Variants in MAST4 observed in about 807,000 individuals in gnomAD.
MAST4 encodes the protein microtubule associated serine/threonine kinase family member 4.
Under a neutral mutation model 162.7 loss-of-function variants are expected in MAST4, and 89 were observed. The ratio of observed to expected loss-of-function variants is 0.55; its 90% CI spans 0.46 to 0.65. MAST4 has a LOEUF of 0.65. MAST4 is among the 30% of genes least tolerant of loss of function. The pLI is 0.00. For missense variants in MAST4, 3,153 were observed against 3,374.0 expected (o/e 0.93, Z 1.62); for synonymous variants, 1,479 against 1,361.1 (o/e 1.09, Z -1.91).
intron 4 of MAST4, among the ~76,000 whole-genome samples, chr5:66,948,829 G>A (rs1683509916): frequency 6.6e-6 from 1 of 152,076 alleles, no homozygotes; most frequent in African/African-American, 2.4e-5. Context: ...GCTTTGTCAA[G>A]TATTTATTGA....
At chr5:66,659,146 G>A (rs1746740612) in intron 1 of MAST4, among the ~76,000 whole-genome samples, 2 of 152,288 alleles carry the variant, frequency 1.3e-5, no homozygotes, top group South Asian at 4.1e-4. Context: ...TTCCTGAGTG[G>A]GAAGGGGTGG....
chr5:66,896,735 C>T (rs961297239), intron 3 of MAST4, among the ~76,000 whole-genome samples: 2 of 152,168 alleles, frequency 1.3e-5, no homozygotes, highest in Non-Finnish European at 2.9e-5. Flanking sequence ...ACAGTTTTCT[C>T]CCCTGTCTTC....
At chr5:66,655,213 G>A (rs1195825422) in intron 1 of MAST4, among the ~76,000 whole-genome samples, 2 of 152,248 alleles carry the variant, frequency 1.3e-5, no homozygotes, top group African/African-American at 4.8e-5. Flanking sequence ...GGGTGTTGAT[G>A]CTTTCATGTT....
chr5:66,975,092 G>A lies in MAST4; in HGVS notation c.674+75110G>A, dbSNP rs145739952. ...ATAGTTCCTAAATTCAATCATAAGT[G>A]CCCTTGTGAGAGAGGCCAAGGGGGA... On this transcript the variant is annotated intron_variant, in intron 4 of 28. Transcript: ENST00000403625. 5.3e-5 allele frequency among the ~76,000 whole-genome samples: 8 copies of A among 152,248 alleles called. No individual in the cohort carries two copies. In the East Asian group the frequency reaches 1.5e-3, roughly 29 times the overall value.
intron 6 of MAST4, among the ~76,000 whole-genome samples, chr5:67,091,409 C>G (rs1763855884): frequency 6.6e-6 from 1 of 152,154 alleles, no homozygotes; most frequent in Non-Finnish European, 1.5e-5. Context: ...CTCCAGGGAA[C>G]TTATTGAGAC....
chr5:66,819,610 G>C (rs1756893702), intron 3 of MAST4, among the ~76,000 whole-genome samples: 1 of 152,058 alleles, frequency 6.6e-6, no homozygotes, highest in African/African-American at 2.4e-5. Context: ...GTATGTCTTT[G>C]GTCAATCATA....
At chr5:67,118,642 A>G (rs755168621) in intron 12 of MAST4, 40 bp from the exon 13 acceptor site, 13 of 1,251,874 alleles carry the variant, frequency 1.0e-5, no homozygotes, top group East Asian at 2.5e-5. Context: ...TCCAATTGCA[A>G]TATTTTTATT....
chr5:66,911,950 C>T (rs1004195166), intron 4 of MAST4, among the ~76,000 whole-genome samples: 1 of 152,142 alleles, frequency 6.6e-6, no homozygotes, highest in Non-Finnish European at 1.5e-5. Context: ...GTAACTTTAG[C>T]GTCGAGTGCC....
At chr5:67,093,124 A>T (rs1764048534) in intron 6 of MAST4, among the ~76,000 whole-genome samples, 2 of 152,148 alleles carry the variant, frequency 1.3e-5, no homozygotes, top group Non-Finnish European at 2.9e-5. Flanking sequence ...GTTGTATACC[A>T]TATTAATCTA....
intron 3 of MAST4, among the ~76,000 whole-genome samples, chr5:66,814,566 C>G (rs1756632311): frequency 6.6e-6 from 1 of 152,180 alleles, no homozygotes; most frequent in Non-Finnish European, 1.5e-5. Context: ...TCTCCAGAGA[C>G]AAGGTGAAAT....
intron 4 of MAST4, among the ~76,000 whole-genome samples, chr5:67,030,537 A>G (rs1334819826): frequency 6.6e-6 from 1 of 152,208 alleles, no homozygotes; most frequent in African/African-American, 2.4e-5. Context: ...GTACATCACC[A>G]TTCCAGAGCA....
rs183538762 is a variant in MAST4, at chr5:66,754,545, T to G, written c.364-5164T>G. 7.2e-5 allele frequency among the ~76,000 whole-genome samples: 11 copies of G among 152,290 alleles called. No individual in the cohort carries two copies. The East Asian group carries it at 2.1e-3, about 29-fold the overall frequency. Reference sequence around the variant, plus strand: ...AGCCCTTTATGGCATGTGTTTTCTATTTTTTTCCTGTTATATTTTAAAGTA... The same window carrying G: ...AGCCCTTTATGGCATGTGTTTTCTAGTTTTTTCCTGTTATATTTTAAAGTA... On this transcript the variant is annotated intron_variant, in intron 1 of 28. Transcript: ENST00000403625.
intron 3 of MAST4, among the ~76,000 whole-genome samples, chr5:66,867,417 A>G (rs1760611290): frequency 6.6e-6 from 1 of 152,226 alleles, no homozygotes; most frequent in South Asian, 2.1e-4. Flanking sequence ...AAGCTATCAG[A>G]TCTGTAATGT....
chr5:66,699,057 T>C (rs916484115), intron 1 of MAST4, among the ~76,000 whole-genome samples: 1 of 152,206 alleles, frequency 6.6e-6, no homozygotes, highest in African/African-American at 2.4e-5. Context: ...TCAGTACAAC[T>C]AGGATACTAG....
chr5:66,850,334 A>C (rs927126517), intron 3 of MAST4, among the ~76,000 whole-genome samples: 1 of 152,206 alleles, frequency 6.6e-6, no homozygotes, highest in African/African-American at 2.4e-5. Context: ...AAAATAGTGA[A>C]TGTCAAAATC....
intron 4 of MAST4, among the ~76,000 whole-genome samples, chr5:67,011,657 G>C (rs896225830): frequency 5.9e-5 from 9 of 152,198 alleles, no homozygotes; most frequent in African/African-American, 2.2e-4. Context: ...GGCTCCTGTT[G>C]AGAGCCTGGC....
At chr5:67,136,811 A>G in intron 19 of MAST4, 147 bp downstream of exon 19, 1 of 599,372 alleles carries the variant, frequency 1.7e-6, no homozygotes, top group East Asian at 2.9e-5. Context: ...TTATAGCAAT[A>G]ATATTTTGGA....
rs183674697 is a variant in MAST4 at position 67,073,436 on chromosome 5, C to G, written c.764-16726C>G. ...TGGAAAAGTGGGTGGTGGCATCAGC[C>G]CTGCAGAGGCAGGACTCGGCTCACG... On this transcript the variant is annotated intron_variant, in intron 5 of 28. Transcript: ENST00000403625. Among the ~76,000 whole-genome samples the G allele has an allele frequency of 6.6e-5, 10 of 152,262 alleles. No homozygotes were observed. The East Asian group carries it at 1.9e-3, about 29-fold the overall frequency.
In MAST4 at chr5:67,072,577, T is replaced by C. The variant is rs140550475; in HGVS notation, c.764-17585T>C. ...AACAAAATATATAATTCAAAGATGG[T>C]AAAATTTGTTATATTCATATGACAT... is the stretch of plus-strand genomic sequence containing the variant. On this transcript the variant is annotated intron_variant, in intron 5 of 28. Coordinates refer to ENST00000403625, the MANE Select transcript of MAST4 (RefSeq NM_001164664.2). Among the ~76,000 whole-genome samples, 9 of 152,342 alleles carry C rather than the reference T, an allele frequency of 5.9e-5. No homozygotes were observed. The East Asian group carries it at 1.7e-3, about 29-fold the overall frequency.
Sources: allele counts gnomAD v4.1 joint callset (sites outside exome capture counted in the v4.1 genomes callset), GRCh38; gene constraint gnomAD v4.1.1; transcripts MANE v1.5; gene names NCBI Gene and HGNC (gene_info 2026-07-23, HGNC 2026-07-21).